Variants in COL19A1 observed in about 807,000 individuals in gnomAD.
The protein encoded by COL19A1 is collagen type XIX alpha 1 chain.
A neutral mutation model predicts 190.2 loss-of-function variants in COL19A1; 159 were observed. The observed-to-expected ratio is 0.84, with a 90% CI of 0.73 to 0.95. The LOEUF is 0.95. COL19A1 is among the 40% of genes least tolerant of loss of function. The probability of loss-of-function intolerance (pLI) is 0.00; values close to 1 mark genes in which losing one functional copy is unlikely to be tolerated. For missense variants in COL19A1, 1,418 were observed against 1,431.9 expected, an observed-to-expected ratio of 0.99 and a Z score of 0.16; for synonymous variants, 509 against 458.9, an observed-to-expected ratio of 1.11 and a Z score of -1.39.
intron 11 of COL19A1, among the ~76,000 whole-genome samples, chr6:69,965,607 C>G (rs905773566): frequency 2.6e-5 from 4 of 152,170 alleles, no homozygotes; most frequent in Admixed American, 2.6e-4. Context: ...AGGGCAGAGC[C>G]TCATACATTC....
chr6:69,893,860 G>A (rs1582308067), intron 2 of COL19A1, among the ~76,000 whole-genome samples: 1 of 152,190 alleles, frequency 6.6e-6, no homozygotes, highest in East Asian at 1.9e-4. Flanking sequence ...CTTTATCTTA[G>A]CCTGAACATT....
chr6:70,047,734 A>G (rs965958766), intron 14 of COL19A1, among the ~76,000 whole-genome samples: 2 of 152,118 alleles, frequency 1.3e-5, no homozygotes, highest in Non-Finnish European at 2.9e-5. Flanking sequence ...GATTCTCCTC[A>G]ATTAAATAAT....
In COL19A1 at chr6:70,139,048, A is replaced by G. The variant is rs572500743; in HGVS notation, c.1446+1301A>G. Among the ~76,000 whole-genome samples the G allele has an allele frequency of 3.3e-5, 5 of 152,198 alleles. No homozygotes were observed. In the East Asian group the frequency reaches 5.8e-4, roughly 18 times the overall value. Reference sequence around the variant, plus strand: ...CCTTCTCTTAATTTCCACATGATGCATGGAGGACCCTGCAGTAAGATTAAT... The same window carrying G: ...CCTTCTCTTAATTTCCACATGATGCGTGGAGGACCCTGCAGTAAGATTAAT... On this transcript the variant is annotated intron_variant, in intron 19 of 50. Transcript: ENST00000620364.
At position 70,188,175 on chromosome 6, in the gene COL19A1, G is replaced by A. The variant is rs745879188; in HGVS notation, c.2957G>A (p.Gly986Glu). The A allele has an allele frequency of 6.2e-7, 1 of 1,613,764 alleles. No individual in the cohort carries two copies. Among genetic ancestry groups the A allele is most frequent in the Admixed American group, 1.7e-5 (1 of 59,982 alleles). The change falls in exon 47 of 51, where the codon GGA becomes GAA. Residue 986 changes from glycine to glutamate, a missense_variant. Coordinates refer to ENST00000620364, the MANE Select transcript of COL19A1 (RefSeq NM_001858.6). ...GCCATCGGTCCTATGGGTCCACCAGGAAACAAGGGCTCCATGGGATCCCCT... is the reference window on the plus strand; with the variant it reads ...GCCATCGGTCCTATGGGTCCACCAGAAAACAAGGGCTCCATGGGATCCCCT... Reference protein sequence around the residue: ...KGAIGPMGPPGNKGSMGSPGH... With the variant: ...KGAIGPMGPPENKGSMGSPGH...
chr6:69,979,644 G>A (rs1314579463), intron 11 of COL19A1, among the ~76,000 whole-genome samples: 2 of 151,684 alleles, frequency 1.3e-5, no homozygotes, highest in African/African-American at 2.4e-5. Flanking sequence ...AGTAACCTAT[G>A]TAGCACTAGA....
At chr6:69,881,144 G>C (rs915914203) in intron 2 of COL19A1, among the ~76,000 whole-genome samples, 1 of 152,154 alleles carries the variant, frequency 6.6e-6, no homozygotes, top group Non-Finnish European at 1.5e-5. Context: ...AGGTCGTACT[G>C]GGGTGGGATT....
rs183244590 is a variant in COL19A1, at chr6:69,916,987, G to A, written c.267-10922G>A. ...TCTGCAGCTTTAATTTCTCATTTAT[G>A]AAGTGAGATGATTGATCTAAATTAC... On this transcript the variant is annotated intron_variant, in intron 4 of 50. Transcript: ENST00000620364. Among the ~76,000 whole-genome samples the A allele has an allele frequency of 3.3e-3, 506 of 152,296 alleles. 6 individuals carry two copies. Among genetic ancestry groups the A allele is most frequent in the African/African-American group, 0.012 (482 of 41,556 alleles).
intron 15 of COL19A1, among the ~76,000 whole-genome samples, chr6:70,079,177 G>A (rs1782084170): frequency 6.6e-6 from 1 of 152,218 alleles, no homozygotes; most frequent in South Asian, 2.1e-4. Flanking sequence ...AATGAACACA[G>A]AACAGGCAAA....
intron 7 of COL19A1, 31 bp from the exon 8 acceptor site, chr6:69,936,754 C>T: frequency 6.2e-7 from 1 of 1,609,786 alleles, no homozygotes. Flanking sequence ...GGAATTGACC[C>T]CATTTCCTAA....
intron 48 of COL19A1, among the ~76,000 whole-genome samples, chr6:70,195,135 T>C (rs111451301): frequency 0.28 from 31,812 of 113,564 alleles, 3,696 homozygotes; most frequent in African/African-American, 0.3. Context: ...ACATCATTGA[T>C]GATATATATA....
chr6:70,091,931 G>C (rs562056117), intron 15 of COL19A1, among the ~76,000 whole-genome samples: 1 of 152,126 alleles, frequency 6.6e-6, no homozygotes, highest in East Asian at 1.9e-4. Flanking sequence ...TGGATGTTAA[G>C]TTTAAGGAAG....
At chr6:70,150,398 A>G (rs934573197) in intron 30 of COL19A1, among the ~76,000 whole-genome samples, 1 of 152,144 alleles carries the variant, frequency 6.6e-6, no homozygotes, top group African/African-American at 2.4e-5. Context: ...TCTAAATGAA[A>G]TTTTGCAGGT....
In COL19A1 at chr6:70,210,885, T is replaced by C. The variant is rs1438518217; in HGVS notation, c.*3611T>C. Among the ~76,000 whole-genome samples, 3 of 152,300 alleles carry C rather than the reference T, an allele frequency of 2.0e-5. No homozygotes were observed. Among genetic ancestry groups the C allele is most frequent in the East Asian group, 1.9e-4 (1 of 5,190 alleles). On this transcript the variant is annotated 3_prime_UTR_variant, in exon 51 of 51. Transcript: ENST00000620364. Reference sequence around the variant, plus strand: ...AACAGGCACAGTACCCTTTGGTTTGTTGACTGTTTTGATTTTATTTCTTTG... The same window carrying C: ...AACAGGCACAGTACCCTTTGGTTTGCTGACTGTTTTGATTTTATTTCTTTG...
chr6:69,962,752 AT>A, intron 10 of COL19A1, 73 bp from the exon 11 acceptor site: 1 of 1,065,012 alleles, frequency 9.4e-7, no homozygotes, highest in Non-Finnish European at 1.3e-6. Flanking sequence ...TTGAAACATA[AT>A]TTTTATTGTA....
intron 9 of COL19A1, among the ~76,000 whole-genome samples, chr6:69,941,655 G>A (rs908435142): frequency 6.7e-6 from 1 of 148,456 alleles, no homozygotes; most frequent in Non-Finnish European, 1.5e-5. Context: ...AATATTATCT[G>A]TATCTGACCT....
chr6:70,132,136 G>A (rs1002931647), intron 18 of COL19A1, among the ~76,000 whole-genome samples: 5 of 152,068 alleles, frequency 3.3e-5, no homozygotes, highest in Admixed American at 6.5e-5. Flanking sequence ...GTGGTAGCTC[G>A]CACCTGTAAT....
intron 19 of COL19A1, among the ~76,000 whole-genome samples, chr6:70,138,322 A>G (rs1357781381): frequency 2.6e-5 from 4 of 152,144 alleles, no homozygotes; most frequent in Non-Finnish European, 5.9e-5. Flanking sequence ...TTCTTTCAAA[A>G]TGTAGTTCTT....
At chr6:70,062,644 T>A (rs1251097753) in intron 14 of COL19A1, among the ~76,000 whole-genome samples, 2 of 152,026 alleles carry the variant, frequency 1.3e-5, no homozygotes, top group Admixed American at 1.3e-4. Flanking sequence ...TAACCTTAAA[T>A]GTAAATGGCC....
At chr6:70,071,328 A>C (rs1452219329) in intron 15 of COL19A1, among the ~76,000 whole-genome samples, 1 of 152,104 alleles carries the variant, frequency 6.6e-6, no homozygotes, top group African/African-American at 2.4e-5. Context: ...TTTTGCAAGT[A>C]CCACGCCAAG....
Sources: gnomAD v4.1 joint callset for allele counts (sites outside exome capture counted in the v4.1 genomes callset) on GRCh38, gnomAD v4.1.1 for gene constraint, MANE v1.5 for transcripts, NCBI Gene and HGNC (gene_info 2026-07-23, HGNC 2026-07-21) for gene names.